The following RARB variants were observed in gnomAD, a reference collection of about 807,000 sequenced individuals.
The protein encoded by RARB is retinoic acid receptor beta.
A neutral mutation model predicts 51.9 loss-of-function variants in RARB; 17 were observed. The observed-to-expected ratio is 0.33, with a 90% CI of 0.22 to 0.49. The LOEUF (loss-of-function observed/expected upper bound fraction) is 0.49. RARB is among the 20% of genes least tolerant of loss of function. The pLI, the probability that RARB is intolerant of heterozygous loss-of-function variation, is 0.99. For missense variants in RARB, 369 were observed against 550.8 expected (o/e 0.67, Z 3.30); for synonymous variants, 215 against 195.4 (o/e 1.10, Z -0.84).
chr3:25,153,810 A>T lies in RARB; in HGVS notation c.-279-20309A>T, dbSNP rs139700694. ...TTGATACTGCAAGTGAGAACATGTG[A>T]TGTTTATCTTTCTGCCACACTTTCC... On this transcript the variant is annotated intron_variant, in intron 4 of 11. Transcript: ENST00000383772. Among the ~76,000 whole-genome samples the T allele has an allele frequency of 1.2e-4, 19 of 152,256 alleles. No homozygotes were observed. The East Asian group carries it at 3.5e-3, about 28-fold the overall frequency.
At chr3:25,253,426 C>T (rs1229634201) in intron 5 of RARB, among the ~76,000 whole-genome samples, 1 of 152,054 alleles carries the variant, frequency 6.6e-6, no homozygotes, top group Non-Finnish European at 1.5e-5. Flanking sequence ...TGTCTGCCCA[C>T]CCAATTACCC....
intron 1 of RARB, among the ~76,000 whole-genome samples, chr3:24,850,147 T>G (rs1195946282): frequency 2.0e-5 from 3 of 152,224 alleles, no homozygotes; most frequent in Non-Finnish European, 2.9e-5. Flanking sequence ...ATTAATCCAT[T>G]CATGTGGGTA....
At chr3:25,204,827 C>A (rs778780501) in intron 5 of RARB, among the ~76,000 whole-genome samples, 10 of 152,208 alleles carry the variant, frequency 6.6e-5, no homozygotes, top group Non-Finnish European at 1.5e-4. Flanking sequence ...ACGTGTCAGT[C>A]TGCCCCTACT....
intron 5 of RARB, among the ~76,000 whole-genome samples, chr3:25,406,850 C>T (rs1377830184): frequency 1.3e-5 from 2 of 152,128 alleles, no homozygotes; most frequent in Non-Finnish European, 2.9e-5. Context: ...ATTGCCTCAA[C>T]CCAGGGTGAA....
At chr3:25,127,058 C>T (rs1376919440) in intron 3 of RARB, among the ~76,000 whole-genome samples, 1 of 152,152 alleles carries the variant, frequency 6.6e-6, no homozygotes, top group Non-Finnish European at 1.5e-5. Flanking sequence ...GGTCCATCAT[C>T]ATCTTTCGCC....
At chr3:25,048,585 C>T (rs963564407) in intron 2 of RARB, among the ~76,000 whole-genome samples, 2 of 152,022 alleles carry the variant, frequency 1.3e-5, no homozygotes, top group African/African-American at 4.8e-5. Flanking sequence ...TCTGTGTATA[C>T]TGATTACTTT....
intron 5 of RARB, among the ~76,000 whole-genome samples, chr3:25,408,277 AAGAGGTTT>A (rs1326061648): frequency 6.6e-6 from 1 of 152,178 alleles, no homozygotes; most frequent in Non-Finnish European, 1.5e-5. Flanking sequence ...TTATACAGAA[AAGAGGTTT>A]AGTTGACTCA....
chr3:25,264,124 A>ATTTTT (rs1703071644), intron 5 of RARB, among the ~76,000 whole-genome samples: 1 of 151,862 alleles, frequency 6.6e-6, no homozygotes, highest in African/African-American at 2.4e-5. Context: ...TTTTTTTTTA[A>ATTTTT]AAAAAGGTTG....
chr3:25,117,036 T>C (rs1013373527), intron 3 of RARB, among the ~76,000 whole-genome samples: 1 of 152,170 alleles, frequency 6.6e-6, no homozygotes, highest in Non-Finnish European at 1.5e-5. Flanking sequence ...CCAGAAATCA[T>C]CCTTTCTGAT....
chr3:25,358,777 A>G (rs1705831223), intron 5 of RARB, among the ~76,000 whole-genome samples: 1 of 152,184 alleles, frequency 6.6e-6, no homozygotes, highest in Admixed American at 6.5e-5. Context: ...GTGATGGATT[A>G]CATTCATTGA....
intron 5 of RARB, among the ~76,000 whole-genome samples, chr3:25,299,281 C>G (rs760327093): frequency 1.3e-5 from 2 of 152,080 alleles, no homozygotes; most frequent in Non-Finnish European, 2.9e-5. Context: ...ACTGCAGCCT[C>G]GACATTTTCA....
chr3:25,153,571 T>C (rs955964932), intron 4 of RARB, among the ~76,000 whole-genome samples: 1 of 152,166 alleles, frequency 6.6e-6, no homozygotes, highest in African/African-American at 2.4e-5. Context: ...TATAAAACAG[T>C]AATAAGAATA....
At chr3:25,434,041 G>C (rs1462781782) in intron 1 of RARB, among the ~76,000 whole-genome samples, 1 of 152,172 alleles carries the variant, frequency 6.6e-6, no homozygotes, top group Non-Finnish European at 1.5e-5. Flanking sequence ...CATTTAGTAA[G>C]ATAAGACTCT....
chr3:25,474,595 T>C (rs1197408500), intron 2 of RARB, among the ~76,000 whole-genome samples: 1 of 152,202 alleles, frequency 6.6e-6, no homozygotes, highest in Non-Finnish European at 1.5e-5. Context: ...TGTTTGGCTC[T>C]ACAGTTTGTC....
chr3:24,963,671 A>G (rs1194479337), intron 2 of RARB, among the ~76,000 whole-genome samples: 1 of 151,872 alleles, frequency 6.6e-6, no homozygotes, highest in Non-Finnish European at 1.5e-5. Context: ...TTTCCTAAGC[A>G]CTAAGTGGAG....
At chr3:25,000,365 GAC>G (rs1381301462) in intron 2 of RARB, among the ~76,000 whole-genome samples, 3 of 152,124 alleles carry the variant, frequency 2.0e-5, no homozygotes, top group Non-Finnish European at 4.4e-5. Context: ...CCACTACCCA[GAC>G]ACTTGCATGT....
intron 1 of RARB, among the ~76,000 whole-genome samples, chr3:25,446,675 C>T (rs1300135033): frequency 3.3e-5 from 5 of 151,750 alleles, no homozygotes; most frequent in Admixed American, 1.3e-4. Flanking sequence ...TGGTGGCAGG[C>T]GCCTGTAGTC....
At chr3:25,010,042 G>A (rs938861270) in intron 2 of RARB, among the ~76,000 whole-genome samples, 1 of 152,072 alleles carries the variant, frequency 6.6e-6, no homozygotes, top group South Asian at 2.1e-4. Flanking sequence ...CCCTTTGACT[G>A]ATTGTTTATT....
At chr3:25,000,930 T>C (rs1697146246) in intron 2 of RARB, among the ~76,000 whole-genome samples, 1 of 152,156 alleles carries the variant, frequency 6.6e-6, no homozygotes, top group African/African-American at 2.4e-5. Flanking sequence ...TTATGTGTAG[T>C]TTTCACATAG....
Sources: gnomAD v4.1 joint callset for allele counts (sites outside exome capture counted in the v4.1 genomes callset) on GRCh38, gnomAD v4.1.1 for gene constraint, MANE v1.5 for transcripts, NCBI Gene and HGNC (gene_info 2026-07-23, HGNC 2026-07-21) for gene names.